The following NALCN variants were observed in gnomAD, a reference collection of about 807,000 sequenced individuals.
The protein encoded by NALCN is sodium leak channel NALCN.
A neutral mutation model predicts 225.3 loss-of-function variants in NALCN; 111 were observed. The ratio of observed to expected loss-of-function variants is 0.49; its 90% CI spans 0.42 to 0.58. The LOEUF (loss-of-function observed/expected upper bound fraction) is 0.58, where lower values mean the gene tolerates loss of function less well. NALCN is among the 20% of genes least tolerant of loss of function. The pLI is 0.00. For missense variants in NALCN, 1,378 were observed against 2,202.4 expected (o/e 0.63, Z 7.49); for synonymous variants, 764 against 769.0 (o/e 0.99, Z 0.11).
intron 26 of NALCN, among the ~76,000 whole-genome samples, chr13:101,101,285 T>A (rs988150100): frequency 7.1e-6 from 1 of 140,830 alleles, no homozygotes; most frequent in East Asian, 2.0e-4. Context: ...TTTTTTCTTT[T>A]TTTTTTTTTT....
In NALCN at chr13:101,075,909, C is replaced by A; in HGVS notation, c.3918G>T (p.Val1306=). The change falls in exon 35 of 44, where the codon GTG becomes GTT. Residue 1306 remains valine, a synonymous_variant. Transcript: ENST00000251127. ...AGATGGAGAAAAACCTAAATACAAT[C>A]ACACAAGCGCCCATCATGTAAGTAT... is the stretch of plus-strand genomic sequence containing the variant. ...NAYTYMMGAC[V]IVFRFFSICG... 3 of 1,610,424 alleles carry A rather than the reference C, an allele frequency of 1.9e-6. No individual in the cohort carries two copies. Among genetic ancestry groups the A allele is most frequent in the Non-Finnish European group, 2.5e-6 (3 of 1,178,768 alleles).
At chr13:101,195,741 C>T (rs572969344) in intron 13 of NALCN, among the ~76,000 whole-genome samples, 47 of 152,302 alleles carry the variant, frequency 3.1e-4, no homozygotes, top group South Asian at 1.0e-3. Flanking sequence ...CCCTTAACCA[C>T]TCCCAAATTT....
chr13:101,175,594 G>A (rs2038928097), intron 15 of NALCN, among the ~76,000 whole-genome samples: 1 of 152,140 alleles, frequency 6.6e-6, no homozygotes, highest in South Asian at 2.1e-4. Flanking sequence ...GGTGATACAA[G>A]AACGTTCCAC....
At chr13:101,300,597 A>T (rs540746533) in intron 7 of NALCN, among the ~76,000 whole-genome samples, 2 of 152,078 alleles carry the variant, frequency 1.3e-5, no homozygotes, top group South Asian at 4.2e-4. Flanking sequence ...TTACAGGCAT[A>T]AGCCACCACG....
intron 18 of NALCN, among the ~76,000 whole-genome samples, chr13:101,124,043 T>A (rs1450849559): frequency 6.6e-6 from 1 of 152,218 alleles, no homozygotes; most frequent in Non-Finnish European, 1.5e-5. Context: ...TTTATACTCA[T>A]CATGTTACTC....
chr13:101,338,833 G>C (rs1933240), intron 7 of NALCN, among the ~76,000 whole-genome samples: 1 of 152,286 alleles, frequency 6.6e-6, no homozygotes, highest in East Asian at 1.9e-4. Context: ...GTTGTAAGAC[G>C]GTTTGGTGGA....
chr13:101,212,874 A>G (rs541154495), intron 13 of NALCN, among the ~76,000 whole-genome samples: 38 of 152,276 alleles, frequency 2.5e-4, no homozygotes, highest in African/African-American at 9.1e-4. Context: ...ATACTGCCCA[A>G]GGTAATTTAT....
intron 13 of NALCN, 48 bp from the exon 14 acceptor site, chr13:101,192,102 T>A (rs771578994): frequency 6.4e-7 from 1 of 1,556,742 alleles, no homozygotes; most frequent in African/African-American, 1.4e-5. Context: ...TAGGCTTGCA[T>A]ACAACTTCAA....
chr13:101,237,913 T>A lies in NALCN; in HGVS notation c.1276A>T (p.Thr426Ser), dbSNP rs945548502. 1.2e-6 allele frequency: 2 copies of A among 1,603,484 alleles called. No homozygotes were observed. The highest frequency in any genetic ancestry group is 1.7e-5 in the Admixed American group (1 of 58,074). ...AGTGCTTCCAAATCAAAAAGTACTG[T>A]AAAAGCCACCTAGAGAAACAAAGAA... ...DEFYLAEVAF[T>S]VLFDLEALLK... Residue 426 changes from threonine to serine, a missense_variant, in exon 12 of 44, where the codon ACA (threonine) becomes TCA (serine). Physicochemically the swap from Thr to Ser is moderately conservative, Grantham distance 58. Transcript: ENST00000251127.
chr13:101,223,838 C>G (rs934140170), intron 13 of NALCN, among the ~76,000 whole-genome samples: 1 of 151,910 alleles, frequency 6.6e-6, no homozygotes, highest in Non-Finnish European at 1.5e-5. Flanking sequence ...TCTGCCAACC[C>G]CTCTCATTTC....
intron 20 of NALCN, 109 bp downstream of exon 20, chr13:101,110,510 A>C (rs2035368802): frequency 8.5e-7 from 1 of 1,175,562 alleles, no homozygotes; most frequent in East Asian, 2.4e-5. Context: ...ATGAAGTCTT[A>C]AGGAGACATG....
chr13:101,080,337 G>C (rs1447085996), intron 34 of NALCN, among the ~76,000 whole-genome samples: 1 of 151,948 alleles, frequency 6.6e-6, no homozygotes, highest in Non-Finnish European at 1.5e-5. Flanking sequence ...TGCTGTAAAT[G>C]TAAGATACAT....
At chr13:101,164,849 T>G (rs956742222) in intron 15 of NALCN, among the ~76,000 whole-genome samples, 2 of 152,162 alleles carry the variant, frequency 1.3e-5, no homozygotes, top group African/African-American at 2.4e-5. Context: ...CTTTTGAGAT[T>G]TACATCATGG....
intron 34 of NALCN, 118 bp downstream of exon 34, chr13:101,081,409 G>T: frequency 7.0e-7 from 1 of 1,427,790 alleles, no homozygotes; most frequent in Non-Finnish European, 9.6e-7. Flanking sequence ...CTTTAGGGAG[G>T]TCCATCTAAC....
intron 7 of NALCN, among the ~76,000 whole-genome samples, chr13:101,338,023 A>T (rs2045438183): frequency 6.6e-6 from 1 of 152,230 alleles, no homozygotes; most frequent in South Asian, 2.1e-4. Flanking sequence ...GGTGCCAGGC[A>T]CATAATATGC....
Position 101,110,677 on chromosome 13 carries a change from T to C in NALCN, c.2306A>G (p.His769Arg). The C allele has an allele frequency of 6.2e-7, 1 of 1,614,118 alleles. No individual in the cohort carries two copies. The highest frequency in any genetic ancestry group is 8.5e-7 in the Non-Finnish European group (1 of 1,179,964). Residue 769 changes from histidine (H) to arginine (R), a missense_variant, in exon 20 of 44, where the codon CAT (histidine) becomes CGT (arginine). Around this residue, in one of 19 missense-constraint regions of NALCN, gnomAD observed 66 missense variants for 85.7 expected, o/e 0.77. Coordinates refer to ENST00000251127, the MANE Select transcript of NALCN (RefSeq NM_052867.4). ...GCTGATCCTCTGGCTGTTTGATCCA[T>C]GTCTTAGTGACCTAAAACAACCACA... is the stretch of plus-strand genomic sequence containing the variant. ...HIRQERRSLR[H>R]GSNSQRISRG... is the part of the protein sequence containing the mutation.
At chr13:101,103,754 G>A (rs1280553157) in intron 25 of NALCN, among the ~76,000 whole-genome samples, 1 of 152,090 alleles carries the variant, frequency 6.6e-6, no homozygotes, top group Non-Finnish European at 1.5e-5. Context: ...TTGATTTCAT[G>A]CCTCCTTGGA....
rs970666839 is a variant in NALCN at position 101,229,415 on chromosome 13, T to C, written c.1604A>G (p.Asp535Gly). 9 of 1,600,442 alleles carry C rather than the reference T, an allele frequency of 5.6e-6. No homozygotes were observed. The highest frequency in any genetic ancestry group is 1.3e-5 in the African/African-American group (1 of 74,346). The change falls in exon 13 of 44, where the codon GAC becomes GGC. Residue 535 changes from aspartate to glycine, a missense_variant. Transcript: ENST00000251127. ...LQMFCFVEEL[D>G]RFTTFPRAFM... is the part of the protein sequence containing the mutation. ...TACCCTCGGAAACGTAGTAAATCTG[T>C]CCAGTTCTTCGACAAAGCAGAACAT...
At chr13:101,294,764 T>C (rs534362859) in intron 7 of NALCN, among the ~76,000 whole-genome samples, 16 of 152,194 alleles carry the variant, frequency 1.1e-4, no homozygotes, top group Middle Eastern at 3.4e-3. Context: ...TTTAACATAA[T>C]ATCTGTATGC....
Sources: gnomAD v4.1 joint callset for allele counts (sites outside exome capture counted in the v4.1 genomes callset) on GRCh38, gnomAD v4.1.1 for gene constraint, gnomAD v4.1.1 regional missense constraint, MANE v1.5 for transcripts, NCBI Gene and HGNC (gene_info 2026-07-23, HGNC 2026-07-21) for gene names.